RRAGD: variants seen among roughly 807,000 people sequenced by gnomAD.
RRAGD encodes ras-related GTP-binding protein D.
A neutral mutation model predicts 35.5 loss-of-function variants in RRAGD; 12 were observed. The ratio of observed to expected loss-of-function variants is 0.34; its 90% CI spans 0.22 to 0.55. The LOEUF is 0.55. Ranked by LOEUF, RRAGD falls within the 20% of genes least tolerant of loss-of-function variation. The pLI, the probability that RRAGD is intolerant of heterozygous loss-of-function variation, is 0.91. For synonymous variants in RRAGD, 155 were observed against 178.9 expected (o/e 0.87, Z 1.07); for missense variants, 324 against 490.1 (o/e 0.66, Z 3.20).
Position 89,403,613 on chromosome 6 carries a change from T to C in RRAGD, c.148+8233A>G, listed in dbSNP as rs930997283. ...CCATGGATGATAATAGACTTCCTGA[T>C]TGGTTTTCTTTTTCTTTTTTTTTTT... is the stretch of plus-strand genomic sequence containing the variant. On this transcript the variant is annotated intron_variant, in intron 1 of 6. Transcript: ENST00000369415. Among the ~76,000 whole-genome samples, 7 of 144,770 alleles carry C rather than the reference T, an allele frequency of 4.8e-5. No homozygotes were observed. In the South Asian group the frequency reaches 1.1e-3, roughly 23 times the overall value. The allele number at this position is 144,770 out of a possible 152,430, so 95.0% of individuals were successfully genotyped here.
At position 89,368,037 on chromosome 6, in the gene RRAGD, G is replaced by C. The variant is rs373948122; in HGVS notation, c.*19C>G. 5 of 1,576,116 alleles carry C rather than the reference G, an allele frequency of 3.2e-6. No individual in the cohort carries two copies. Among genetic ancestry groups the C allele is most frequent in the Non-Finnish European group, 4.3e-6 (5 of 1,162,244 alleles). On this transcript the variant is annotated 3_prime_UTR_variant, in exon 7 of 7. Coordinates refer to ENST00000369415, the MANE Select transcript of RRAGD (RefSeq NM_021244.5). The stretch of plus-strand genomic sequence containing the variant: ...TCATGGATAAGGTCTGATTTCAAAA[G>C]ACATTCCTGAAACCTCACCTACAGC...
rs3818381 is a variant in RRAGD, at chr6:89,380,464, C to T, written c.445-97G>A. Reference sequence around the variant, plus strand: ...TGGAAACCATGTGGCTGCAACCCCCCGAAATACGTTGCAAAGGTTCCCCTC... The same window carrying T: ...TGGAAACCATGTGGCTGCAACCCCCTGAAATACGTTGCAAAGGTTCCCCTC... On this transcript the variant is annotated intron_variant, in intron 2 of 6. Coordinates refer to ENST00000369415, the MANE Select transcript of RRAGD (RefSeq NM_021244.5). The T allele has an allele frequency of 5.1e-5, 51 of 992,618 alleles. No homozygotes were observed. In the East Asian group the frequency reaches 7.1e-4, roughly 14 times the overall value. 61.5% of individuals were successfully genotyped at this position (992,618 alleles called of 1,614,324 possible).
chr6:89,391,893 G>A (rs983169842), intron 1 of RRAGD, among the ~76,000 whole-genome samples: 4 of 149,664 alleles, frequency 2.7e-5, no homozygotes, highest in African/African-American at 1.0e-4. Flanking sequence ...GGAGGTTGAG[G>A]CTGCAGTGAG....
chr6:89,395,232 C>T (rs922764147), intron 1 of RRAGD, among the ~76,000 whole-genome samples: 3 of 152,188 alleles, frequency 2.0e-5, no homozygotes, highest in African/African-American at 7.2e-5. Context: ...GCACTCCAGC[C>T]TGGGCAACAG....
At position 89,370,865 on chromosome 6, in the gene RRAGD, T is replaced by A. The variant is rs1297352472; in HGVS notation, c.1051+1572A>T. Among the ~76,000 whole-genome samples the A allele has an allele frequency of 2.0e-5, 3 of 152,102 alleles. No homozygotes were observed. In the East Asian group the frequency reaches 5.8e-4, roughly 29 times the overall value. On this transcript the variant is annotated intron_variant, in intron 6 of 6. Transcript: ENST00000369415. ...GACTGGAAAAGTATACAGGAAATGT[T>A]AAGAGTAGTTATCTGAATGAGAAAC...
At chr6:89,368,943 G>A (rs1768811321) in intron 6 of RRAGD, among the ~76,000 whole-genome samples, 2 of 152,178 alleles carry the variant, frequency 1.3e-5, no homozygotes, top group African/African-American at 4.8e-5. Context: ...GCAACATTAT[G>A]TTTACACCAA....
chr6:89,396,458 C>T (rs1769332785), intron 1 of RRAGD, among the ~76,000 whole-genome samples: 1 of 152,002 alleles, frequency 6.6e-6, no homozygotes. Context: ...GAGAGTCTTG[C>T]TCTGTTGCCC....
At chr6:89,387,915 A>G (rs1769163075) in intron 1 of RRAGD, among the ~76,000 whole-genome samples, 1 of 152,050 alleles carries the variant, frequency 6.6e-6, no homozygotes, top group African/African-American at 2.4e-5. Context: ...GGGACTCAGG[A>G]GCGTGAAGAG....
At chr6:89,389,337 C>G (rs774030688) in intron 1 of RRAGD, among the ~76,000 whole-genome samples, 11 of 151,972 alleles carry the variant, frequency 7.2e-5, no homozygotes, top group Non-Finnish European at 1.3e-4. Context: ...GGGCGGATCA[C>G]GAGGTCAGCA....
intron 1 of RRAGD, among the ~76,000 whole-genome samples, chr6:89,393,289 A>T (rs892771466): frequency 5.3e-5 from 8 of 152,248 alleles, no homozygotes; most frequent in African/African-American, 1.9e-4. Flanking sequence ...GCAGTCCTTG[A>T]CTATGAATGG....
chr6:89,400,217 G>T (rs1453434097), intron 1 of RRAGD, among the ~76,000 whole-genome samples: 1 of 151,968 alleles, frequency 6.6e-6, no homozygotes, highest in African/African-American at 2.4e-5. Flanking sequence ...TCAACTTGTG[G>T]GGATTAAACA....
At chr6:89,391,406 G>C (rs1300260295) in intron 1 of RRAGD, among the ~76,000 whole-genome samples, 2 of 151,450 alleles carry the variant, frequency 1.3e-5, no homozygotes, top group African/African-American at 4.9e-5. Flanking sequence ...AAATACAATG[G>C]AATATTATTC....
In RRAGD at chr6:89,411,737, C is replaced by A; in HGVS notation, c.148+109G>T. 8.0e-7 allele frequency: 1 copy of A among 1,255,964 alleles called. No homozygotes were observed. The highest frequency in any genetic ancestry group is 2.7e-4 in the Middle Eastern group (1 of 3,696). 77.8% of individuals were successfully genotyped at this position (1,255,964 alleles called of 1,614,324 possible). ...CCCAAACCCTCAACTGGACCCGCTC[C>A]CCTGGACCCCCTCCAAGTCGGTGGC... On this transcript the variant is annotated intron_variant, in intron 1 of 6. Transcript: ENST00000369415. This position sits in a 1 kb window ranked among gnomAD's most constrained non-coding sequence, Gnocchi z 5.6.
intron 5 of RRAGD, among the ~76,000 whole-genome samples, chr6:89,376,299 TG>T (rs1219065596): frequency 6.7e-5 from 6 of 89,380 alleles, no homozygotes; most frequent in East Asian, 6.8e-4. Context: ...CATGTGTGTG[TG>T]GTGTGTGTGT....
In RRAGD at chr6:89,387,297, G is replaced by A; in HGVS notation, c.442C>T (p.Gln148Ter). Residue 148 changes from glutamine (Q) to a stop codon, truncating the protein, a stop_gained and splice_region_variant, in exon 2 of 7, where the codon CAG (glutamine) becomes TAG (stop). Coordinates refer to ENST00000369415, the MANE Select transcript of RRAGD (RefSeq NM_021244.5). LOFTEE classifies it high-confidence loss of function. ...TGALIFVIDSQDDYMEALARL... is the reference protein window; with the variant it reads ...TGALIFVIDS Reference sequence around the variant, plus strand: ...ACCCCTGAGACTCTGAGCTTTACCTGTGAGTCAATGACAAATATCAGTGCT... The same window carrying A: ...ACCCCTGAGACTCTGAGCTTTACCTATGAGTCAATGACAAATATCAGTGCT... 1 of 1,612,878 alleles carries A rather than the reference G, an allele frequency of 6.2e-7. No individual in the cohort carries two copies. Among genetic ancestry groups the A allele is most frequent in the South Asian group, 1.1e-5 (1 of 91,064 alleles).
chr6:89,407,498 C>T lies in RRAGD; in HGVS notation c.148+4348G>A, dbSNP rs921239015. 2.0e-5 allele frequency among the ~76,000 whole-genome samples: 3 copies of T among 151,840 alleles called. 1 individual carries two copies. The highest frequency in any genetic ancestry group is 1.3e-4 in the Admixed American group (2 of 15,234). ...ACTAAAAATACAAAAATTAGCTGGGCATTGTGGTGGGCACCTGTAATCAAT... is the reference window on the plus strand; with the variant it reads ...ACTAAAAATACAAAAATTAGCTGGGTATTGTGGTGGGCACCTGTAATCAAT... On this transcript the variant is annotated intron_variant, in intron 1 of 6. Transcript: ENST00000369415.
At chr6:89,380,759 T>A (rs2127887970) in intron 2 of RRAGD, among the ~76,000 whole-genome samples, 1 of 151,878 alleles carries the variant, frequency 6.6e-6, no homozygotes, top group East Asian at 1.9e-4. Context: ...TACAAAAAAT[T>A]AGCCAGGCGT....
rs1562439081 is a variant in RRAGD at position 89,366,960 on chromosome 6, GAGA to G, written c.*1093_*1095del. 1.3e-5 allele frequency: 2 copies of G among 152,230 alleles called. No homozygotes were observed. Among genetic ancestry groups the G allele is most frequent in the African/African-American group, 2.4e-5 (1 of 41,436 alleles). 9.4% of individuals were successfully genotyped at this position (152,230 alleles called of 1,614,324 possible). A position where few individuals can be genotyped will look rare whatever the true frequency, so the allele number is the denominator to read the frequency against. On this transcript the variant is annotated 3_prime_UTR_variant, in exon 7 of 7. Transcript: ENST00000369415. ...GTACATGAGGCATGTTATCACCAGT[GAGA>G]AGGAGATGTGGAGGTGACAAAAGTG... is the stretch of plus-strand genomic sequence containing the variant.
At position 89,412,056 on chromosome 6, in the gene RRAGD, A is replaced by C; in HGVS notation, c.-63T>G. 6.9e-7 allele frequency: 1 copy of C among 1,451,736 alleles called. No homozygotes were observed. Among genetic ancestry groups the C allele is most frequent in the African/African-American group, 1.5e-5 (1 of 68,042 alleles). 89.9% of individuals were successfully genotyped at this position (1,451,736 alleles called of 1,614,324 possible). Reference sequence around the variant, plus strand: ...TCCCGGGGTGGGGGCCAAGCCTCCTAGCCGGCCGCCCGCAGCCTATTTCTG... The same window carrying C: ...TCCCGGGGTGGGGGCCAAGCCTCCTCGCCGGCCGCCCGCAGCCTATTTCTG... On this transcript the variant is annotated 5_prime_UTR_variant, in exon 1 of 7. Coordinates refer to ENST00000369415, the MANE Select transcript of RRAGD (RefSeq NM_021244.5). This position sits in a 1 kb window ranked among gnomAD's most constrained non-coding sequence, Gnocchi z 4.2.
Sources: gnomAD v4.1 joint callset for allele counts (sites outside exome capture counted in the v4.1 genomes callset) on GRCh38, gnomAD v4.1.1 for gene constraint, Gnocchi (gnomAD v3.1) non-coding constraint, MANE v1.5 for transcripts, NCBI Gene and HGNC (gene_info 2026-07-23, HGNC 2026-07-21) for gene names.